The following HOXC5 variants were observed in gnomAD, a reference collection of about 807,000 sequenced individuals.
HOXC5 encodes the protein homeobox C5.
In HOXC5, 19 loss-of-function variants were observed where a neutral mutation model predicts 20.1. The ratio of observed to expected loss-of-function variants is 0.94; its 90% CI spans 0.66 to 1.38. The LOEUF is 1.38. HOXC5 is among the 40% of genes most tolerant of loss of function. The pLI, the probability that HOXC5 is intolerant of heterozygous loss-of-function variation, is 0.00. For missense variants in HOXC5, 330 were observed against 300.1 expected (o/e 1.10, Z -0.74); for synonymous variants, 124 against 117.0 (o/e 1.06, Z -0.39).
the HOXC5 span, among the ~76,000 whole-genome samples, chr12:54,027,473 G>A: frequency 6.6e-6 from 1 of 152,268 alleles, no homozygotes; most frequent in South Asian, 2.1e-4. Context: ...TACCCCACAG[G>A]CCCTCACTGG....
At chr12:54,034,052 C>T (rs930675513) in intron 1 of HOXC5, 1 of 704,802 alleles carries the variant, frequency 1.4e-6, no homozygotes, top group Non-Finnish European at 2.7e-6. Flanking sequence ...CCCCCTCAGC[C>T]CCTCCGGCTG....
chr12:54,028,694 A>G, upstream of HOXC5: 1 of 1,614,164 alleles, frequency 6.2e-7, no homozygotes, highest in East Asian at 2.2e-5. Flanking sequence ...TATTCGCCAC[A>G]GGAGAATGTC....
chr12:54,026,942 C>CA, the HOXC5 span, among the ~76,000 whole-genome samples: 1 of 140,020 alleles, frequency 7.1e-6, no homozygotes, highest in Non-Finnish European at 1.5e-5. Flanking sequence ...GCTTTCCCCC[C>CA]CCCCAACCCA....
the HOXC5 span, chr12:54,019,806 G>A: frequency 6.6e-6 from 1 of 152,088 alleles, no homozygotes; most frequent in African/African-American, 2.4e-5. Context: ...CCATCCTGAG[G>A]TGTCTTTATA....
chr12:54,025,132 G>C, the HOXC5 span, among the ~76,000 whole-genome samples: 1 of 152,024 alleles, frequency 6.6e-6, no homozygotes, highest in Admixed American at 6.6e-5. Flanking sequence ...ATTTCTTTAG[G>C]CTCGTTTTAT....
At chr12:54,032,949 T>G, upstream of HOXC5, 2 of 587,146 alleles carry the variant, frequency 3.4e-6, no homozygotes, top group Non-Finnish European at 2.9e-6. Flanking sequence ...GCCGCTCGAG[T>G]CACGTGACTC....
intron 1 of HOXC5, 104 bp downstream of exon 1, chr12:54,033,680 C>G (rs1941081365): frequency 9.7e-7 from 1 of 1,033,910 alleles, no homozygotes; most frequent in African/African-American, 1.6e-5. Flanking sequence ...TTTTACGATC[C>G]AGGCATCAAT....
At chr12:54,025,328 T>C in the HOXC5 span, among the ~76,000 whole-genome samples, 3 of 152,108 alleles carry the variant, frequency 2.0e-5, no homozygotes, top group African/African-American at 7.2e-5. Flanking sequence ...TTTCCCCCTA[T>C]AGACAGCCAT....
the HOXC5 span, among the ~76,000 whole-genome samples, chr12:54,019,676 A>T: frequency 6.6e-6 from 1 of 151,980 alleles, no homozygotes; most frequent in South Asian, 2.1e-4. Flanking sequence ...GCCCCCTCCC[A>T]CCCGAGGGGC....
chr12:54,024,817 C>T, the HOXC5 span, among the ~76,000 whole-genome samples: 1 of 152,208 alleles, frequency 6.6e-6, no homozygotes, highest in African/African-American at 2.4e-5. Context: ...GACTCCAGGC[C>T]AGTGACTGCA....
At chr12:54,030,134 A>C, upstream of HOXC5, 1 of 604,528 alleles carries the variant, frequency 1.7e-6, no homozygotes, top group Non-Finnish European at 2.8e-6. Flanking sequence ...CCCCTCCCTC[A>C]CCGCACAACT....
At chr12:54,022,447 A>C in the HOXC5 span, 6 of 152,156 alleles carry the variant, frequency 3.9e-5, no homozygotes, top group Admixed American at 2.0e-4. Context: ...CTAGCTATTA[A>C]ATTTAAAAGA....
chr12:54,030,680 G>GA (rs886939889), upstream of HOXC5: 1 of 152,584 alleles, frequency 6.6e-6, no homozygotes, highest in Non-Finnish European at 1.5e-5. Flanking sequence ...CAAAAAGAGA[G>GA]AAAAAAAGTG....
the HOXC5 span, among the ~76,000 whole-genome samples, chr12:54,025,253 A>G: frequency 6.6e-6 from 1 of 152,242 alleles, no homozygotes; most frequent in Non-Finnish European, 1.5e-5. Flanking sequence ...ATGAGTTTCC[A>G]TAATTGTTTT....
chr12:54,025,565 G>C, the HOXC5 span, among the ~76,000 whole-genome samples: 1 of 150,936 alleles, frequency 6.6e-6, no homozygotes, highest in Non-Finnish European at 1.5e-5. Flanking sequence ...TTTTGCCAAA[G>C]GTCTTTAAGC....
chr12:54,028,693 C>G (rs200694174), upstream of HOXC5: 58 of 1,614,122 alleles, frequency 3.6e-5, no homozygotes, highest in Non-Finnish European at 2.5e-6. Context: ...TTATTCGCCA[C>G]AGGAGAATGT....
the HOXC5 span, among the ~76,000 whole-genome samples, chr12:54,024,492 C>A: frequency 6.6e-6 from 1 of 152,182 alleles, no homozygotes; most frequent in Admixed American, 6.5e-5. Flanking sequence ...AGGGAGAACA[C>A]AACTAAGGAG....
the HOXC5 span, among the ~76,000 whole-genome samples, chr12:54,025,718 AAC>A: frequency 6.6e-6 from 1 of 152,200 alleles, no homozygotes; most frequent in South Asian, 2.1e-4. Context: ...GACGTCATAA[AAC>A]ACTTAACTTT....
chr12:54,032,337 C>T (rs986821368), upstream of HOXC5, among the ~76,000 whole-genome samples: 7 of 152,244 alleles, frequency 4.6e-5, no homozygotes, highest in African/African-American at 1.7e-4. Flanking sequence ...GGCGTCCTGT[C>T]TACCTCTTCA....
Sources: gnomAD v4.1 joint callset for allele counts (sites outside exome capture counted in the v4.1 genomes callset) on GRCh38, gnomAD v4.1.1 for gene constraint, MANE v1.5 for transcripts, NCBI Gene and HGNC (gene_info 2026-07-23, HGNC 2026-07-21) for gene names.